MEIS1: variants seen among roughly 807,000 people sequenced by gnomAD.
MEIS1 encodes the protein Meis homeobox 1, also known as homeobox protein Meis1.
A neutral mutation model predicts 50.8 loss-of-function variants in MEIS1; 5 were observed. The observed-to-expected ratio is 0.10, with a 90% CI of 0.05 to 0.21. MEIS1 has a LOEUF of 0.21. Among genes scored for constraint, MEIS1 ranks in the 10% least tolerant of loss-of-function variants. MEIS1 has a pLI of 1.00. For missense variants in MEIS1, 318 were observed against 517.3 expected, an observed-to-expected ratio of 0.61 and a Z score of 3.74; for synonymous variants, 176 against 179.3, an observed-to-expected ratio of 0.98 and a Z score of 0.15.
chr2:66,524,671 A>G (rs1558550071), intron 8 of MEIS1, among the ~76,000 whole-genome samples: 1 of 147,972 alleles, frequency 6.8e-6, no homozygotes, highest in Non-Finnish European at 1.5e-5. Flanking sequence ...TACAGTGATT[A>G]TTTAGGTTCT....
chr2:66,544,488 A>G (rs1208377752), intron 8 of MEIS1, among the ~76,000 whole-genome samples: 1 of 152,170 alleles, frequency 6.6e-6, no homozygotes, highest in Non-Finnish European at 1.5e-5. Flanking sequence ...GTGGGACACT[A>G]AGGCCAAGAA....
intron 9 of MEIS1, among the ~76,000 whole-genome samples, chr2:66,562,274 G>A (rs1675238998): frequency 6.6e-6 from 1 of 151,294 alleles, no homozygotes; most frequent in Non-Finnish European, 1.5e-5. Context: ...GGAAAGGAGT[G>A]GAGGATAAAC....
At chr2:66,473,397 A>ATAT (rs1553373465) in intron 7 of MEIS1, among the ~76,000 whole-genome samples, 27 of 107,570 alleles carry the variant, frequency 2.5e-4, no homozygotes, top group African/African-American at 4.1e-4. Flanking sequence ...AAAAAAAAAA[A>ATAT]ATATATATAT....
At chr2:66,479,672 C>T (rs571480584) in intron 7 of MEIS1, among the ~76,000 whole-genome samples, 8 of 152,150 alleles carry the variant, frequency 5.3e-5, no homozygotes, top group Non-Finnish European at 1.2e-4. Flanking sequence ...AATATGATCT[C>T]ACTAGGAGCA....
intron 8 of MEIS1, among the ~76,000 whole-genome samples, chr2:66,535,832 T>C (rs1171355899): frequency 6.6e-6 from 1 of 152,178 alleles, no homozygotes; most frequent in Non-Finnish European, 1.5e-5. Flanking sequence ...GATTGCAAGA[T>C]AAGAGTTTTG....
intron 9 of MEIS1, among the ~76,000 whole-genome samples, chr2:66,560,478 T>C (rs986488942): frequency 1.2e-4 from 18 of 151,130 alleles, no homozygotes; most frequent in African/African-American, 3.9e-4. Context: ...ACTGTAGTCC[T>C]CGGAGGCTGA....
Position 66,464,188 on chromosome 2 carries a change from C to T in MEIS1, c.710C>T (p.Thr237Met), listed in dbSNP as rs758233459. 39 of 1,603,424 alleles carry T rather than the reference C, an allele frequency of 2.4e-5. No homozygotes were observed. The highest frequency in any genetic ancestry group is 3.1e-5 in the Non-Finnish European group (37 of 1,175,250). The change falls in exon 7 of 13, where the codon ACG (threonine) becomes ATG (methionine). Residue 237 changes from threonine (T) to methionine (M), a missense_variant. Transcript: ENST00000272369. ...GTPGPSSGGH[T>M]SHSGDNSSEQ... ...CCAGGCCCTTCCAGCGGTGGCCACA[C>T]GTCACACAGTGGGGACAACAGCAGT...
At chr2:66,555,924 G>A (rs1206109769) in intron 9 of MEIS1, among the ~76,000 whole-genome samples, 1 of 152,166 alleles carries the variant, frequency 6.6e-6, no homozygotes, top group African/African-American at 2.4e-5. Flanking sequence ...AAGTGTTTCC[G>A]AGGGCAAACG....
intron 7 of MEIS1, among the ~76,000 whole-genome samples, chr2:66,464,497 A>T (rs1037972935): frequency 1.3e-5 from 2 of 152,242 alleles, no homozygotes; most frequent in Admixed American, 1.3e-4. Flanking sequence ...GTGAATAAAT[A>T]GTATGCCATT....
chr2:66,520,374 A>AGGAGGC (rs59045335), intron 8 of MEIS1, among the ~76,000 whole-genome samples: 15,395 of 151,394 alleles, frequency 0.1, 1,027 homozygotes, highest in East Asian at 0.3. Context: ...CCAGCTACTC[A>AGGAGGC]GGAGGCTGAG....
At chr2:66,479,058 T>G (rs1346945197) in intron 7 of MEIS1, among the ~76,000 whole-genome samples, 1 of 152,246 alleles carries the variant, frequency 6.6e-6, no homozygotes, top group East Asian at 1.9e-4. Flanking sequence ...CAAGATTGTT[T>G]GATTACCTGG....
intron 7 of MEIS1, among the ~76,000 whole-genome samples, chr2:66,465,555 C>G (rs897706928): frequency 6.6e-6 from 1 of 152,204 alleles, no homozygotes; most frequent in Admixed American, 6.5e-5. Context: ...ACTCTACTTA[C>G]ACTATGAGTT....
At chr2:66,502,613 C>A (rs146143327) in intron 7 of MEIS1, among the ~76,000 whole-genome samples, 2 of 151,918 alleles carry the variant, frequency 1.3e-5, no homozygotes, top group African/African-American at 4.8e-5. Context: ...TGTTGGGAGA[C>A]GAAGAGGGTC....
chr2:66,571,739 T>C lies in MEIS1; in HGVS notation c.*531T>C, dbSNP rs887544083. The C allele has an allele frequency of 5.2e-6, 3 of 574,540 alleles. No homozygotes were observed. Among genetic ancestry groups the C allele is most frequent in the Admixed American group, 6.7e-5 (2 of 29,650 alleles). The allele number at this position is 574,540 out of a possible 1,614,324, so 35.6% of individuals were successfully genotyped here. A position where few individuals can be genotyped will look rare whatever the true frequency, so the allele number is the denominator to read the frequency against. On this transcript the variant is annotated 3_prime_UTR_variant, in exon 13 of 13. Transcript: ENST00000272369. ...TATAAGACATTAAGAGAACAAAGAG[T>C]GAAATATTGTAAATGCTATTATACT...
intron 7 of MEIS1, among the ~76,000 whole-genome samples, chr2:66,480,663 G>T (rs1349391654): frequency 1.3e-5 from 2 of 152,298 alleles, no homozygotes; most frequent in East Asian, 3.9e-4. Context: ...CCCTTTGAAT[G>T]AAATTTTAAA....
intron 6 of MEIS1, among the ~76,000 whole-genome samples, chr2:66,446,587 C>CG (rs1048601581): frequency 4.6e-5 from 7 of 152,100 alleles, no homozygotes; most frequent in Admixed American, 2.0e-4. Flanking sequence ...AGCAGCTCTC[C>CG]GGGGGGTCCT....
chr2:66,473,397 A>AAAAAAAAAAAAATATATATATATATAT, intron 7 of MEIS1, among the ~76,000 whole-genome samples: 1 of 107,586 alleles, frequency 9.3e-6, no homozygotes, highest in African/African-American at 5.8e-5. Context: ...AAAAAAAAAA[A>AAAAAAAAAAAAATATATATATATATAT]ATATATATAT....
At chr2:66,536,295 T>C (rs1674516072) in intron 8 of MEIS1, among the ~76,000 whole-genome samples, 2 of 152,192 alleles carry the variant, frequency 1.3e-5, no homozygotes, top group South Asian at 4.1e-4. Flanking sequence ...TATTCCAGAG[T>C]GGAGATTTTA....
intron 6 of MEIS1, among the ~76,000 whole-genome samples, chr2:66,456,282 C>T (rs1260109681): frequency 1.5e-5 from 2 of 129,948 alleles, no homozygotes; most frequent in Non-Finnish European, 3.2e-5. Context: ...AAGCAATTCA[C>T]CAGAGTCGCT....
Sources: gnomAD v4.1 joint callset for allele counts (sites outside exome capture counted in the v4.1 genomes callset) on GRCh38, gnomAD v4.1.1 for gene constraint, MANE v1.5 for transcripts, NCBI Gene and HGNC (gene_info 2026-07-23, HGNC 2026-07-21) for gene names.